CTNNA3: variants seen among roughly 807,000 people sequenced by gnomAD.
CTNNA3 encodes the protein catenin alpha-3.
In CTNNA3, 76 loss-of-function variants were observed where a neutral mutation model predicts 95.7. That is an observed-to-expected ratio of 0.79 (90% confidence interval 0.66 to 0.96). CTNNA3 has a LOEUF of 0.96. Ranked by LOEUF, CTNNA3 falls within the 40% of genes least tolerant of loss-of-function variation. The pLI, the probability that CTNNA3 is intolerant of heterozygous loss-of-function variation, is 0.00. For missense variants in CTNNA3, 1,191 were observed against 1,089.8 expected, an observed-to-expected ratio of 1.09 and a Z score of -1.31; for synonymous variants, 431 against 374.4, an observed-to-expected ratio of 1.15 and a Z score of -1.74.
chr10:66,461,150 C>T (rs1038120916), intron 11 of CTNNA3, among the ~76,000 whole-genome samples: 5 of 152,026 alleles, frequency 3.3e-5, no homozygotes, highest in Admixed American at 1.3e-4. Context: ...AATACAAGTA[C>T]AAAGTAGACA....
In CTNNA3 at chr10:67,750,008, A is replaced by G. The variant is rs528755072; in HGVS notation, c.-2+13426T>C. 1.2e-3 allele frequency among the ~76,000 whole-genome samples: 179 copies of G among 152,238 alleles called. 2 individuals carry two copies. In the Middle Eastern group the frequency reaches 0.017, roughly 14 times the overall value. On this transcript the variant is annotated intron_variant, in intron 1 of 17. Transcript: ENST00000684154. ...GCTGCTGCTCACTCTTTCAGTCTGC[A>G]CCACCTTTTAAGAGCTGTAACACTC...
intron 15 of CTNNA3, among the ~76,000 whole-genome samples, chr10:66,042,514 T>G (rs1343281974): frequency 6.6e-6 from 1 of 151,618 alleles, no homozygotes; most frequent in Non-Finnish European, 1.5e-5. Context: ...GAGGTTAAAA[T>G]GAAGGGAAAG....
rs554914860 is a variant in CTNNA3, at chr10:66,716,970, T to C, written c.1281+49294A>G. The stretch of plus-strand genomic sequence containing the variant: ...ATCAACTGACTTTAATTAAAGAGTT[T>C]ACCCTTGATAATGTAGGTGGGCTTC... On this transcript the variant is annotated intron_variant, in intron 9 of 17. Coordinates refer to ENST00000433211, the MANE Select transcript of CTNNA3 (RefSeq NM_013266.4). 2.6e-5 allele frequency among the ~76,000 whole-genome samples: 4 copies of C among 152,000 alleles called. No individual in the cohort carries two copies. The South Asian group carries it at 8.3e-4, about 32-fold the overall frequency.
intron 15 of CTNNA3, among the ~76,000 whole-genome samples, chr10:66,038,897 C>T (rs188236502): frequency 6.6e-6 from 1 of 152,244 alleles, no homozygotes; most frequent in East Asian, 1.9e-4. Flanking sequence ...TTAGTCAGAG[C>T]TATCAGGCAA....
At chr10:66,432,436 A>G (rs534834847) in intron 11 of CTNNA3, among the ~76,000 whole-genome samples, 55 of 152,292 alleles carry the variant, frequency 3.6e-4, no homozygotes, top group African/African-American at 1.3e-3. Context: ...AGGCAGGTGG[A>G]TCACGAGGTC....
In CTNNA3 at chr10:66,658,571, G is replaced by A. The variant is rs191720313; in HGVS notation, c.1282-36787C>T. Among the ~76,000 whole-genome samples, 1,049 of 152,264 alleles carry A rather than the reference G, an allele frequency of 6.9e-3. 12 individuals carry two copies. Among genetic ancestry groups the A allele is most frequent in the Middle Eastern group, 0.014 (4 of 294 alleles). Reference sequence around the variant, plus strand: ...GACAAAGCCAATGAGTGAGGCTACCGTTAAGTGCCAGCATTGGAGAGTTTG... The same window carrying A: ...GACAAAGCCAATGAGTGAGGCTACCATTAAGTGCCAGCATTGGAGAGTTTG... On this transcript the variant is annotated intron_variant, in intron 9 of 17. Coordinates refer to ENST00000433211, the MANE Select transcript of CTNNA3 (RefSeq NM_013266.4).
intron 7 of CTNNA3, among the ~76,000 whole-genome samples, chr10:66,867,797 C>T (rs1239871081): frequency 1.3e-5 from 2 of 150,822 alleles, no homozygotes; most frequent in African/African-American, 2.4e-5. Context: ...TGTACAGATA[C>T]ACATTTACAT....
chr10:66,045,304 C>T (rs536215835), intron 15 of CTNNA3, among the ~76,000 whole-genome samples: 2 of 152,298 alleles, frequency 1.3e-5, no homozygotes, highest in South Asian at 4.1e-4. Context: ...GACACTCCTG[C>T]CACAGTGCTA....
chr10:66,241,657 C>A (rs1156894365), intron 13 of CTNNA3, among the ~76,000 whole-genome samples: 1 of 146,522 alleles, frequency 6.8e-6, no homozygotes, highest in African/African-American at 2.5e-5. Flanking sequence ...CACCTCCTCA[C>A]GTGAGCTACT....
At chr10:66,344,403 A>G (rs1375340701) in intron 12 of CTNNA3, among the ~76,000 whole-genome samples, 1 of 151,200 alleles carries the variant, frequency 6.6e-6, no homozygotes, top group Non-Finnish European at 1.5e-5. Flanking sequence ...AGTAGCTGGG[A>G]TTACAGGCAT....
intron 7 of CTNNA3, among the ~76,000 whole-genome samples, chr10:66,777,968 A>C (rs969109923): frequency 6.6e-6 from 1 of 152,218 alleles, no homozygotes; most frequent in East Asian, 1.9e-4. Flanking sequence ...AAAGGATGAC[A>C]GGAGGTGACA....
At chr10:67,662,114 A>G (rs1475562807) in intron 1 of CTNNA3, among the ~76,000 whole-genome samples, 2 of 152,208 alleles carry the variant, frequency 1.3e-5, no homozygotes, top group East Asian at 3.8e-4. Flanking sequence ...CTCATAAGAC[A>G]GTCATCCCCC....
At chr10:67,606,265 C>A (rs1254840874) in intron 3 of CTNNA3, among the ~76,000 whole-genome samples, 1 of 152,102 alleles carries the variant, frequency 6.6e-6, no homozygotes, top group East Asian at 1.9e-4. Context: ...ACAGTTGAGA[C>A]CTATATTCAT....
At chr10:66,636,447 T>C (rs970086190) in intron 9 of CTNNA3, among the ~76,000 whole-genome samples, 16 of 151,998 alleles carry the variant, frequency 1.1e-4, no homozygotes, top group African/African-American at 3.4e-4. Context: ...TGGTTCCTAG[T>C]AGTTCTAGAA....
At chr10:65,944,248 AC>A (rs2077475979) in intron 17 of CTNNA3, among the ~76,000 whole-genome samples, 1 of 152,232 alleles carries the variant, frequency 6.6e-6, no homozygotes, top group Non-Finnish European at 1.5e-5. Flanking sequence ...GAAACAAACT[AC>A]AGTTTCCCTG....
At chr10:66,482,782 A>G (rs1294350993) in intron 11 of CTNNA3, among the ~76,000 whole-genome samples, 2 of 152,146 alleles carry the variant, frequency 1.3e-5, no homozygotes, top group African/African-American at 4.8e-5. Flanking sequence ...AATTGTAAAT[A>G]AATTAGTAGG....
At chr10:67,593,597 A>T (rs139322573) in intron 3 of CTNNA3, among the ~76,000 whole-genome samples, 7 of 152,022 alleles carry the variant, frequency 4.6e-5, no homozygotes, top group African/African-American at 1.7e-4. Flanking sequence ...TGATTTTTGT[A>T]TGTTGATTTT....
chr10:67,399,961 C>T lies in CTNNA3; in HGVS notation c.579+121881G>A, dbSNP rs535954361. Among the ~76,000 whole-genome samples the T allele has an allele frequency of 1.2e-4, 18 of 152,054 alleles. No individual in the cohort carries two copies. In the East Asian group the frequency reaches 2.9e-3, roughly 25 times the overall value. ...TACTTTAAGTTTTAGGGTACATGTG[C>T]ACAACATGCAGGTTTGTTACATATG... is the stretch of plus-strand genomic sequence containing the variant. On this transcript the variant is annotated intron_variant, in intron 5 of 17. Coordinates refer to ENST00000433211, the MANE Select transcript of CTNNA3 (RefSeq NM_013266.4).
At chr10:67,579,218 A>G (rs12217948) in intron 3 of CTNNA3, among the ~76,000 whole-genome samples, 17,788 of 62,982 alleles carry the variant, frequency 0.28, 2,942 homozygotes, top group African/African-American at 0.59. Flanking sequence ...CCCACCCCAT[A>G]ACAGGCCCCA....
Sources: gnomAD v4.1 joint callset for allele counts (sites outside exome capture counted in the v4.1 genomes callset) on GRCh38, gnomAD v4.1.1 for gene constraint, MANE v1.5 for transcripts, NCBI Gene and HGNC (gene_info 2026-07-23, HGNC 2026-07-21) for gene names.